FYB2: variants seen among roughly 807,000 people sequenced by gnomAD.
FYB2 encodes FYN-binding protein 2.
A neutral mutation model predicts 94.1 loss-of-function variants in FYB2; 103 were observed. The observed-to-expected ratio is 1.09, with a 90% CI of 0.93 to 1.29. The LOEUF (loss-of-function observed/expected upper bound fraction) is 1.29. FYB2 is among the 50% of genes most tolerant of loss of function. The probability of loss-of-function intolerance (pLI) is 0.00; values close to 1 mark genes in which losing one functional copy is unlikely to be tolerated. For synonymous variants in FYB2, 293 were observed against 287.9 expected (o/e 1.02, Z -0.18); for missense variants, 896 against 841.5 (o/e 1.06, Z -0.80).
the FYB2 span, among the ~76,000 whole-genome samples, chr1:56,825,872 C>T: frequency 6.6e-6 from 1 of 152,132 alleles, no homozygotes. Context: ...TAAACAAGAC[C>T]ATAATTTAAT....
intron 1 of FYB2, among the ~76,000 whole-genome samples, chr1:56,810,683 G>A (rs1488592159): frequency 2.0e-5 from 3 of 152,182 alleles, no homozygotes; most frequent in Admixed American, 1.3e-4. Context: ...GCTGAGAGAT[G>A]CCAGTTTCAT....
chr1:56,726,533 TC>T lies in FYB2; in HGVS notation c.1843del (p.Glu615LysfsTer27), dbSNP rs754648521. 1.9e-6 allele frequency: 3 copies of T among 1,612,458 alleles called. No homozygotes were observed. The Admixed American group carries it at 5.0e-5, about 27-fold the overall frequency. On this transcript the variant is annotated frameshift_variant, in exon 16 of 20. Transcript: ENST00000343433. LOFTEE classifies it high-confidence loss of function. ...TTCAGCACCGTTTTTCTCTTTTTTTTCCTTTGGTGTCAGAAACTTGGGCTTC... is the reference window on the plus strand; with the variant it reads ...TTCAGCACCGTTTTTCTCTTTTTTTTCTTTGGTGTCAGAAACTTGGGCTTC... The part of the protein sequence containing the change: ...MWKPKFLTPK[E>X]KKEKNGAEES...
chr1:56,766,155 C>A (rs1645617893), intron 5 of FYB2, among the ~76,000 whole-genome samples: 1 of 152,196 alleles, frequency 6.6e-6, no homozygotes, highest in Non-Finnish European at 1.5e-5. Context: ...GTTAGAAATG[C>A]ACAATCTCAG....
intron 9 of FYB2, among the ~76,000 whole-genome samples, chr1:56,747,768 A>G (rs1045485301): frequency 1.3e-5 from 2 of 152,174 alleles, no homozygotes; most frequent in African/African-American, 4.8e-5. Context: ...TATACCCAGT[A>G]ATGGGATTGC....
At chr1:56,823,435 A>T (rs1647003916), upstream of FYB2, among the ~76,000 whole-genome samples, 1 of 152,236 alleles carries the variant, frequency 6.6e-6, no homozygotes, top group Admixed American at 6.5e-5. Context: ...ACAATTATTT[A>T]AAGATAAAAT....
chr1:56,757,687 C>CTTCCTTCCTTCCTTCCTTCCTTCCTTCT (rs1293394860), intron 6 of FYB2, among the ~76,000 whole-genome samples: 14 of 71,938 alleles, frequency 1.9e-4, no homozygotes, highest in East Asian at 1.8e-3. Flanking sequence ...TCCTTCCTTC[C>CTTCCTTCCTTCCTTCCTTCCTTCCTTCT]TTCTTTCTTT....
chr1:56,759,762 A>G (rs1032438157), intron 5 of FYB2, among the ~76,000 whole-genome samples: 3 of 152,100 alleles, frequency 2.0e-5, no homozygotes, highest in African/African-American at 7.2e-5. Flanking sequence ...TGCCTTACAG[A>G]GTTAATGGGG....
chr1:56,788,261 G>A (rs1199308489), intron 3 of FYB2, among the ~76,000 whole-genome samples: 1 of 152,194 alleles, frequency 6.6e-6, no homozygotes, highest in East Asian at 1.9e-4. Context: ...CAGTGTACCT[G>A]CCATCTGCTG....
chr1:56,753,209 G>A (rs1039779477), intron 8 of FYB2, among the ~76,000 whole-genome samples: 1 of 152,054 alleles, frequency 6.6e-6, no homozygotes, highest in Non-Finnish European at 1.5e-5. Flanking sequence ...AGCCCTGGTG[G>A]TGTCTATTGT....
chr1:56,732,203 T>C (rs568284215), intron 15 of FYB2, among the ~76,000 whole-genome samples: 90 of 152,062 alleles, frequency 5.9e-4, no homozygotes, highest in Non-Finnish European at 1.1e-3. Context: ...TAGCTGAAAA[T>C]GAGATCAAGA....
intron 19 of FYB2, 125 bp downstream of exon 19, chr1:56,719,897 A>G (rs2100463786): frequency 9.5e-7 from 1 of 1,057,534 alleles, no homozygotes; most frequent in East Asian, 2.8e-5. Context: ...AGAATAGGGC[A>G]CTGCATGTCT....
Position 56,740,625 on chromosome 1 carries a change from G to C in FYB2, c.1703+72C>G, listed in dbSNP as rs1052316534. ...ATCCCCTTCACTGTTTCTGAGATTG[G>C]ATGGAGAACATCAACTTGTGTATCT... On this transcript the variant is annotated intron_variant, in intron 13 of 19. Transcript: ENST00000343433. 3 of 879,438 alleles carry C rather than the reference G, an allele frequency of 3.4e-6. No homozygotes were observed. In the South Asian group the frequency reaches 5.4e-5, roughly 16 times the overall value. 54.5% of individuals were successfully genotyped at this position (879,438 alleles called of 1,614,324 possible).
At chr1:56,756,297 C>T (rs1645329361) in intron 6 of FYB2, among the ~76,000 whole-genome samples, 1 of 152,128 alleles carries the variant, frequency 6.6e-6, no homozygotes, top group African/African-American at 2.4e-5. Context: ...TTGGTATTCA[C>T]AAGTGCACAA....
chr1:56,757,127 A>G (rs1645352412), intron 6 of FYB2, among the ~76,000 whole-genome samples: 1 of 152,172 alleles, frequency 6.6e-6, no homozygotes. Flanking sequence ...AAAATTAAAA[A>G]TAATTGTATG....
chr1:56,751,571 T>C (rs1645199807), intron 8 of FYB2, among the ~76,000 whole-genome samples: 1 of 152,080 alleles, frequency 6.6e-6, no homozygotes, highest in African/African-American at 2.4e-5. Context: ...TGGTCACTGG[T>C]TCCACAGTTA....
At chr1:56,772,441 C>A (rs1033579305) in intron 4 of FYB2, among the ~76,000 whole-genome samples, 1 of 152,056 alleles carries the variant, frequency 6.6e-6, no homozygotes, top group South Asian at 2.1e-4. Flanking sequence ...TGTCTTTTAC[C>A]TTTATCCCTG....
rs1453236717 is a variant in FYB2 at position 56,777,239 on chromosome 1, CAAAAAAAAAAAAAAAAAAA to C, written c.954-9320_954-9302del. Reference sequence around the variant, plus strand: ...ACAGAGCGAGACTCCGTCTCAAAAACAAAAAAAAAAAAAAAAAAAAAAAAAAAAAAAAAAAGAAAATAGA... The same window carrying C: ...ACAGAGCGAGACTCCGTCTCAAAAACAAAAAAAAAAAAAAAAGAAAATAGA... On this transcript the variant is annotated intron_variant, in intron 4 of 19. Transcript: ENST00000343433. Among the ~76,000 whole-genome samples, 8 of 4,798 alleles carry C rather than the reference CAAAAAAAAAAAAAAAAAAA, an allele frequency of 1.7e-3. 1 individual carries two copies. In the Admixed American group the frequency reaches 0.031, roughly 19 times the overall value. 3.1% of individuals were successfully genotyped at this position (4,798 alleles called of 152,430 possible). A position where few individuals can be genotyped will look rare whatever the true frequency, so the allele number is the denominator to read the frequency against.
chr1:56,794,595 T>C (rs1400874135), intron 1 of FYB2, among the ~76,000 whole-genome samples: 2 of 152,130 alleles, frequency 1.3e-5, no homozygotes. Context: ...ACAAGAAGCA[T>C]GAAGCAAGTG....
At chr1:56,788,783 A>G (rs1646189036) in intron 3 of FYB2, 190 bp downstream of exon 3, 2 of 720,518 alleles carry the variant, frequency 2.8e-6, no homozygotes, top group Admixed American at 2.4e-5. Context: ...CTGGTCTAGG[A>G]GCGATAAAGG....
Sources: allele counts gnomAD v4.1 joint callset (sites outside exome capture counted in the v4.1 genomes callset), GRCh38; gene constraint gnomAD v4.1.1; transcripts MANE v1.5; gene names NCBI Gene and HGNC (gene_info 2026-07-23, HGNC 2026-07-21).